Variants in ATG7 observed in about 807,000 individuals in gnomAD.
The protein encoded by ATG7 is ubiquitin-like modifier-activating enzyme ATG7.
In ATG7, 70 loss-of-function variants were observed where a neutral mutation model predicts 82.4. The ratio of observed to expected loss-of-function variants is 0.85; its 90% CI spans 0.70 to 1.04. The LOEUF is 1.04. Ranked by LOEUF, ATG7 falls within the 50% of genes least tolerant of loss-of-function variation. The probability of loss-of-function intolerance (pLI) is 0.00; values close to 1 mark genes in which losing one functional copy is unlikely to be tolerated. For missense variants in ATG7, 792 were observed against 864.3 expected (o/e 0.92, Z 1.05); for synonymous variants, 287 against 313.0 (o/e 0.92, Z 0.88).
At chr3:11,476,980 T>C (rs2088325694) in intron 20 of ATG7, among the ~76,000 whole-genome samples, 1 of 152,214 alleles carries the variant, frequency 6.6e-6, no homozygotes, top group African/African-American at 2.4e-5. Context: ...CCAGTTTTCC[T>C]TATTAAAGCC....
chr3:11,417,089 G>T (rs2081431597), intron 19 of ATG7, among the ~76,000 whole-genome samples: 1 of 152,122 alleles, frequency 6.6e-6, no homozygotes, highest in Non-Finnish European at 1.5e-5. Flanking sequence ...ATGTTTTATG[G>T]CCCAGAATGT....
chr3:11,472,808 T>A (rs2087697859), intron 20 of ATG7, among the ~76,000 whole-genome samples: 2 of 152,070 alleles, frequency 1.3e-5, no homozygotes, highest in South Asian at 4.1e-4. Flanking sequence ...CTCCAGTGTT[T>A]GTGCTGGAGA....
At chr3:11,294,469 C>A (rs1219087362) in intron 3 of ATG7, among the ~76,000 whole-genome samples, 1 of 152,118 alleles carries the variant, frequency 6.6e-6, no homozygotes, top group Non-Finnish European at 1.5e-5. Context: ...GGCGATCCCC[C>A]GCTTTGGCCT....
chr3:11,365,467 T>C (rs142994648), intron 18 of ATG7, among the ~76,000 whole-genome samples: 2 of 152,342 alleles, frequency 1.3e-5, no homozygotes, highest in African/African-American at 4.8e-5. Flanking sequence ...TTCATTACTA[T>C]ATTTTTGGGA....
At chr3:11,525,001 G>A (rs920749154) in intron 20 of ATG7, among the ~76,000 whole-genome samples, 1 of 151,870 alleles carries the variant, frequency 6.6e-6, no homozygotes, top group African/African-American at 2.4e-5. Context: ...AAATTTAAGG[G>A]TATTTATTCC....
chr3:11,403,695 T>C (rs1010787949), intron 19 of ATG7, among the ~76,000 whole-genome samples: 1 of 152,196 alleles, frequency 6.6e-6, no homozygotes, highest in Non-Finnish European at 1.5e-5. Flanking sequence ...ATACGAATGC[T>C]AATGAAAAGG....
intron 19 of ATG7, among the ~76,000 whole-genome samples, chr3:11,425,510 GT>G (rs2082289871): frequency 6.6e-6 from 1 of 152,124 alleles, no homozygotes; most frequent in African/African-American, 2.4e-5. Flanking sequence ...TTTCTTGTGA[GT>G]TCCCAGAGAA....
intron 17 of ATG7, among the ~76,000 whole-genome samples, chr3:11,363,720 CT>C: frequency 6.6e-6 from 1 of 152,270 alleles, no homozygotes; most frequent in African/African-American, 2.4e-5. Context: ...TGTTTAATGA[CT>C]TTGTTATGCT....
At chr3:11,471,242 C>T (rs1412392871) in intron 20 of ATG7, among the ~76,000 whole-genome samples, 1 of 152,186 alleles carries the variant, frequency 6.6e-6, no homozygotes, top group Non-Finnish European at 1.5e-5. Flanking sequence ...GCTCCTACCG[C>T]TGGCCCCAGC....
chr3:11,276,648 A>G (rs892167055), intron 1 of ATG7, among the ~76,000 whole-genome samples: 3 of 152,172 alleles, frequency 2.0e-5, no homozygotes, highest in Non-Finnish European at 4.4e-5. Flanking sequence ...CTTTCTTGGC[A>G]CATCTGACAT....
chr3:11,375,941 TCTA>T (rs935765987), intron 18 of ATG7, among the ~76,000 whole-genome samples: 1 of 152,232 alleles, frequency 6.6e-6, no homozygotes, highest in African/African-American at 2.4e-5. Context: ...ACCCAGTAAT[TCTA>T]CTCCTAGGTA....
At chr3:11,514,597 C>T (rs1019858429) in intron 20 of ATG7, among the ~76,000 whole-genome samples, 2 of 152,340 alleles carry the variant, frequency 1.3e-5, no homozygotes, top group African/African-American at 2.4e-5. Flanking sequence ...GTGATTCTGC[C>T]GGGTAAGCCA....
At chr3:11,436,549 G>T (rs2083386547) in intron 20 of ATG7, among the ~76,000 whole-genome samples, 2 of 152,184 alleles carry the variant, frequency 1.3e-5, no homozygotes, top group Non-Finnish European at 2.9e-5. Context: ...TTGTATATGT[G>T]TGTGTGTGTA....
intron 1 of ATG7, among the ~76,000 whole-genome samples, chr3:11,279,490 C>T (rs1942597217): frequency 6.6e-6 from 1 of 152,118 alleles, no homozygotes; most frequent in Non-Finnish European, 1.5e-5. Context: ...TCGAGACCAA[C>T]CTGACCAACA....
chr3:11,470,002 AAAAAAAAGAG>A (rs1275761513), intron 20 of ATG7, among the ~76,000 whole-genome samples: 3 of 150,126 alleles, frequency 2.0e-5, no homozygotes, highest in Non-Finnish European at 4.4e-5. Context: ...AAAAAAAAAA[AAAAAAAAGAG>A]AGAGAGAGAT....
At chr3:11,305,603 A>T (rs942122455) in intron 5 of ATG7, among the ~76,000 whole-genome samples, 2 of 152,116 alleles carry the variant, frequency 1.3e-5, no homozygotes, top group African/African-American at 4.8e-5. Context: ...CTCTCTCTTC[A>T]AGACCAGCTT....
intron 20 of ATG7, among the ~76,000 whole-genome samples, chr3:11,490,367 C>T (rs1404563337): frequency 6.6e-6 from 1 of 152,200 alleles, no homozygotes; most frequent in African/African-American, 2.4e-5. Context: ...ATGTGTGTCT[C>T]TGCACGTGAC....
At position 11,390,365 on chromosome 3, in the gene ATG7, G is replaced by A. The variant is rs544163029; in HGVS notation, c.1956+10313G>A. Among the ~76,000 whole-genome samples, 14 of 152,362 alleles carry A rather than the reference G, an allele frequency of 9.2e-5. 1 individual carries two copies. In the East Asian group the frequency reaches 2.1e-3, roughly 23 times the overall value. On this transcript the variant is annotated intron_variant, in intron 19 of 20. Coordinates refer to ENST00000693202, the MANE Select transcript of ATG7 (RefSeq NM_001349232.2). ...TCTCCCAGCTCTATTGGAGGAGCAA[G>A]AGTTTCATTTAACAATATCTGCTGT...
At chr3:11,477,105 T>C (rs2088340908) in intron 20 of ATG7, 1 of 1,289,608 alleles carries the variant, frequency 7.8e-7, no homozygotes, top group African/African-American at 1.5e-5. Flanking sequence ...GGTGGTGTAA[T>C]TAAAAGGGAG....
Sources: gnomAD v4.1 joint callset for allele counts (sites outside exome capture counted in the v4.1 genomes callset) on GRCh38, gnomAD v4.1.1 for gene constraint, MANE v1.5 for transcripts, NCBI Gene and HGNC (gene_info 2026-07-23, HGNC 2026-07-21) for gene names.